Variants in SEC63 observed in about 807,000 individuals in gnomAD.
SEC63 encodes the protein translocation protein SEC63 homolog.
A neutral mutation model predicts 116.2 loss-of-function variants in SEC63; 56 were observed. The observed-to-expected ratio is 0.48, with a 90% confidence interval of 0.39 to 0.60. The LOEUF (loss-of-function observed/expected upper bound fraction) is 0.60. Among genes scored for constraint, SEC63 ranks in the 20% least tolerant of loss-of-function variants. The pLI, the probability that SEC63 is intolerant of heterozygous loss-of-function variation, is 0.00. For synonymous variants in SEC63, 273 were observed against 294.6 expected, an observed-to-expected ratio of 0.93 and a Z score of 0.75; for missense variants, 668 against 900.0, an observed-to-expected ratio of 0.74 and a Z score of 3.30.
intron 16 of SEC63, chr6:107,883,371 T>C (rs969432218): frequency 1.6e-5 from 8 of 502,750 alleles, no homozygotes; most frequent in Non-Finnish European, 2.4e-5. Context: ...AGTTATTTTA[T>C]TCATTCTTCA....
At chr6:107,893,991 G>T (rs1786756140) in intron 14 of SEC63, 94 bp from the exon 15 acceptor site, 2 of 1,331,676 alleles carry the variant, frequency 1.5e-6, no homozygotes, top group Non-Finnish European at 1.1e-6. Flanking sequence ...TTTTTATTAA[G>T]TATTTTTAAC....
In SEC63 at chr6:107,906,429, A is replaced by G; in HGVS notation, c.961+19T>C. 1 of 1,613,698 alleles carries G rather than the reference A, an allele frequency of 6.2e-7. No homozygotes were observed. The highest frequency in any genetic ancestry group is 8.5e-7 in the Non-Finnish European group (1 of 1,179,628). On this transcript the variant is annotated intron_variant, in intron 10 of 20. Transcript: ENST00000369002. ...CTTTCATCCCACTAAACCTCTGTAG[A>G]TACCGGAATCACAAATACCTTCTTC... is the stretch of plus-strand genomic sequence containing the variant.
chr6:107,893,427 T>C, intron 16 of SEC63, 55 bp downstream of exon 16: 1 of 1,538,750 alleles, frequency 6.5e-7, no homozygotes. Flanking sequence ...GACTTGAACA[T>C]TTTAGTTTGT....
chr6:107,955,006 C>T (rs983247460), intron 1 of SEC63, among the ~76,000 whole-genome samples: 2 of 152,136 alleles, frequency 1.3e-5, no homozygotes, highest in Admixed American at 6.5e-5. Context: ...AGCAGAGAGC[C>T]GGATGTAAAA....
At chr6:107,948,538 T>C (rs1770520807) in intron 1 of SEC63, among the ~76,000 whole-genome samples, 1 of 152,198 alleles carries the variant, frequency 6.6e-6, no homozygotes, top group Non-Finnish European at 1.5e-5. Flanking sequence ...GGCTTGCAAC[T>C]TTCCGGGAAA....
In SEC63 at chr6:107,883,126, A is replaced by G; in HGVS notation, c.1695T>C (p.Asp565=). The G allele has an allele frequency of 1.2e-6, 2 of 1,612,180 alleles. No homozygotes were observed. The highest frequency in any genetic ancestry group is 1.7e-6 in the Non-Finnish European group (2 of 1,179,468). ...VVGNEAAVKE[D]EEEVSDKGSD... ...TGCCCTTATCTGAAACTTCTTCTTC[A>G]TCTTCCTTTACTGCAGCTTCCTAAA... The change falls in exon 17 of 21, where the codon GAT becomes GAC. Residue 565 remains aspartate (D), a synonymous_variant. Transcript: ENST00000369002.
At chr6:107,930,981 T>A (rs1787793202) in intron 1 of SEC63, among the ~76,000 whole-genome samples, 1 of 149,478 alleles carries the variant, frequency 6.7e-6, no homozygotes, top group African/African-American at 2.5e-5. Flanking sequence ...TAAAACTCCA[T>A]CTCAAAGCAA....
intron 6 of SEC63, among the ~76,000 whole-genome samples, chr6:107,912,515 G>A (rs1186813380): frequency 1.3e-5 from 2 of 152,168 alleles, no homozygotes; most frequent in Admixed American, 6.5e-5. Flanking sequence ...AACCCAGGAG[G>A]CAGAGGTTGC....
chr6:107,933,669 T>C (rs1288926585), intron 1 of SEC63, among the ~76,000 whole-genome samples: 9 of 148,268 alleles, frequency 6.1e-5, no homozygotes, highest in Admixed American at 6.6e-5. Context: ...TGCCTCTGCC[T>C]CTGCCCCTGC....
chr6:107,869,225 A>T lies in SEC63; in HGVS notation c.*2479T>A, dbSNP rs1786067912. ...AAAAAAAAAATTATGAAAAATGTTTAAAAAATTCAAAAAGGACATGAACAT... is the reference window on the plus strand; with the variant it reads ...AAAAAAAAAATTATGAAAAATGTTTTAAAAATTCAAAAAGGACATGAACAT... On this transcript the variant is annotated 3_prime_UTR_variant, in exon 21 of 21. Transcript: ENST00000369002. 1 of 151,236 alleles carries T rather than the reference A, an allele frequency of 6.6e-6. No individual in the cohort carries two copies. The highest frequency in any genetic ancestry group is 2.1e-4 in the South Asian group (1 of 4,828). 9.4% of individuals were successfully genotyped at this position (151,236 alleles called of 1,614,324 possible). A position where few individuals can be genotyped will look rare whatever the true frequency, so the allele number is the denominator to read the frequency against.
In SEC63 at chr6:107,957,475, G is replaced by A. The variant is rs563776431; in HGVS notation, c.124+411C>T. 1.6e-3 allele frequency: 245 copies of A among 155,716 alleles called. 1 individual carries two copies. The highest frequency in any genetic ancestry group is 5.3e-3 in the African/African-American group (219 of 41,652). The allele number at this position is 155,716 out of a possible 1,614,324, so 9.6% of individuals were successfully genotyped here. On this transcript the variant is annotated intron_variant, in intron 1 of 20. Transcript: ENST00000369002. ...CAGGGAAACCGGAGTCGGGGGATGAGGGCCGCGAACTGGACGGACTGAGAG... is the reference window on the plus strand; with the variant it reads ...CAGGGAAACCGGAGTCGGGGGATGAAGGCCGCGAACTGGACGGACTGAGAG...
rs192494207 is a variant in SEC63 at position 107,930,746 on chromosome 6, G to A, written c.125-1232C>T. Among the ~76,000 whole-genome samples the A allele has an allele frequency of 4.1e-4, 62 of 152,170 alleles. 1 individual carries two copies. Among genetic ancestry groups the A allele is most frequent in the African/African-American group, 1.5e-3 (61 of 41,510 alleles). Reference sequence around the variant, plus strand: ...ACCGTGGCTCACCTCTATAATCCCAGTACTTTGGGAGGCTGAGGCAGGCAG... The same window carrying A: ...ACCGTGGCTCACCTCTATAATCCCAATACTTTGGGAGGCTGAGGCAGGCAG... On this transcript the variant is annotated intron_variant, in intron 1 of 20. Coordinates refer to ENST00000369002, the MANE Select transcript of SEC63 (RefSeq NM_007214.5).
At chr6:107,887,175 T>A (rs2114414925) in intron 16 of SEC63, among the ~76,000 whole-genome samples, 1 of 151,820 alleles carries the variant, frequency 6.6e-6, no homozygotes, top group South Asian at 2.1e-4. Context: ...TCAACCATTG[T>A]GGAAGTCAGT....
chr6:107,949,124 A>C (rs887284989), intron 1 of SEC63, among the ~76,000 whole-genome samples: 14 of 152,250 alleles, frequency 9.2e-5, no homozygotes, highest in African/African-American at 3.4e-4. Context: ...CTAAACAATA[A>C]ACTAATGCAT....
chr6:107,876,507 C>T (rs1162299246), intron 19 of SEC63, 57 bp downstream of exon 19: 16 of 996,386 alleles, frequency 1.6e-5, no homozygotes, highest in Admixed American at 1.2e-4. Context: ...TATGAAGCAG[C>T]ATGATGGTGA....
At chr6:107,873,828 A>G (rs1786190727) in intron 19 of SEC63, among the ~76,000 whole-genome samples, 1 of 152,228 alleles carries the variant, frequency 6.6e-6, no homozygotes, top group Admixed American at 6.5e-5. Flanking sequence ...AAGACTCAAC[A>G]AAAGTGAACA....
At chr6:107,917,792 C>T (rs1787445995) in intron 4 of SEC63, among the ~76,000 whole-genome samples, 1 of 152,162 alleles carries the variant, frequency 6.6e-6, no homozygotes, top group African/African-American at 2.4e-5. Flanking sequence ...CAGAAGCTAG[C>T]AGATGTTGGT....
In SEC63 at chr6:107,908,914, A is replaced by G. The variant is rs1393787320; in HGVS notation, c.733+13T>C. On this transcript the variant is annotated intron_variant, in intron 8 of 20. Coordinates refer to ENST00000369002, the MANE Select transcript of SEC63 (RefSeq NM_007214.5). ...AATGTGATTAATAGCAAAGTTACTTAAAGTTTACTTACGTTTCATATCCAT... is the reference window on the plus strand; with the variant it reads ...AATGTGATTAATAGCAAAGTTACTTGAAGTTTACTTACGTTTCATATCCAT... 2 of 1,502,424 alleles carry G rather than the reference A, an allele frequency of 1.3e-6. No homozygotes were observed. The highest frequency in any genetic ancestry group is 1.1e-5 in the South Asian group (1 of 88,162). 93.1% of individuals were successfully genotyped at this position (1,502,424 alleles called of 1,614,324 possible). A position where few individuals can be genotyped will look rare whatever the true frequency, so the allele number is the denominator to read the frequency against.
At chr6:107,874,946 T>C (rs1786227265) in intron 19 of SEC63, among the ~76,000 whole-genome samples, 1 of 152,218 alleles carries the variant, frequency 6.6e-6, no homozygotes, top group Non-Finnish European at 1.5e-5. Context: ...GACTGCGTAT[T>C]AGATAATTAT....
Sources: allele counts gnomAD v4.1 joint callset (sites outside exome capture counted in the v4.1 genomes callset), GRCh38; gene constraint gnomAD v4.1.1; transcripts MANE v1.5; gene names NCBI Gene and HGNC (gene_info 2026-07-23, HGNC 2026-07-21).